The following WDR27 variants were observed in gnomAD, a reference collection of about 807,000 sequenced individuals.
WDR27 encodes the protein WD repeat-containing protein 27.
A neutral mutation model predicts 114.4 loss-of-function variants in WDR27; 100 were observed. The observed-to-expected ratio is 0.87, with a 90% CI of 0.74 to 1.03. The LOEUF (loss-of-function observed/expected upper bound fraction) is 1.03, where lower values mean the gene tolerates loss of function less well. Ranked by LOEUF, WDR27 falls within the 50% of genes least tolerant of loss-of-function variation. The pLI is 0.00. For synonymous variants in WDR27, 449 were observed against 423.1 expected, an observed-to-expected ratio of 1.06 and a Z score of -0.75; for missense variants, 1,129 against 1,092.9, an observed-to-expected ratio of 1.03 and a Z score of -0.47.
chr6:169,458,237 C>G (rs73789955), intron 25 of WDR27, among the ~76,000 whole-genome samples: 4,649 of 152,250 alleles, frequency 0.031, 216 homozygotes, highest in African/African-American at 0.1. Context: ...AAAGTGGTCT[C>G]CATAGGGCCT....
intron 25 of WDR27, chr6:169,559,939 A>C (rs1288843589): frequency 1.3e-5 from 2 of 152,196 alleles, no homozygotes; most frequent in African/African-American, 2.4e-5. Flanking sequence ...TGCGATAGGA[A>C]GGTAATGAGG....
intron 5 of WDR27, among the ~76,000 whole-genome samples, chr6:169,667,717 C>G (rs1828248239): frequency 6.6e-6 from 1 of 152,204 alleles, no homozygotes; most frequent in African/African-American, 2.4e-5. Flanking sequence ...CGTGCCTGGG[C>G]GCTCCCAGGC....
chr6:169,430,058 T>C, the WDR27 span, among the ~76,000 whole-genome samples: 4 of 152,190 alleles, frequency 2.6e-5, no homozygotes, highest in Non-Finnish European at 5.9e-5. Context: ...GCTCATCTGC[T>C]CTGAGCTGCA....
chr6:169,701,932 G>A lies in WDR27; in HGVS notation c.-389C>T. ...GCTAGGGGAGGACTCACAGCACCCA[G>A]CTCCCAGGAGGGCACGCAGAGGACT... is the stretch of plus-strand genomic sequence containing the variant. On this transcript the variant is annotated 5_prime_UTR_variant, in exon 1 of 26. Coordinates refer to ENST00000448612, the MANE Select transcript of WDR27 (RefSeq NM_182552.5). 1 of 361,276 alleles carries A rather than the reference G, an allele frequency of 2.8e-6. No individual in the cohort carries two copies. Among genetic ancestry groups the A allele is most frequent in the Non-Finnish European group, 5.5e-6 (1 of 181,268 alleles). The allele number at this position is 361,276 out of a possible 1,614,324, so 22.4% of individuals were successfully genotyped here.
chr6:169,490,726 C>T (rs1789645118), intron 25 of WDR27, among the ~76,000 whole-genome samples: 1 of 152,172 alleles, frequency 6.6e-6, no homozygotes, highest in African/African-American at 2.4e-5. Context: ...GTATCTCAGC[C>T]TCCAGTTCAA....
chr6:169,503,558 T>C (rs1791612136), intron 25 of WDR27, among the ~76,000 whole-genome samples: 1 of 152,224 alleles, frequency 6.6e-6, no homozygotes, highest in Non-Finnish European at 1.5e-5. Context: ...GCCTGTCATC[T>C]ACTGGTTCAT....
At chr6:169,562,162 C>T (rs1799762433) in intron 25 of WDR27, among the ~76,000 whole-genome samples, 1 of 152,164 alleles carries the variant, frequency 6.6e-6, no homozygotes, top group Non-Finnish European at 1.5e-5. Flanking sequence ...CACATAAGGA[C>T]GCGGAAGACT....
chr6:169,507,000 C>T (rs1792083664), intron 25 of WDR27, among the ~76,000 whole-genome samples: 1 of 152,168 alleles, frequency 6.6e-6, no homozygotes, highest in Non-Finnish European at 1.5e-5. Context: ...AGAATTTAAT[C>T]CAAACAACAC....
At chr6:169,527,422 G>C (rs1795079335) in intron 25 of WDR27, among the ~76,000 whole-genome samples, 1 of 151,584 alleles carries the variant, frequency 6.6e-6, no homozygotes, top group Non-Finnish European at 1.5e-5. Flanking sequence ...GAAATATTTA[G>C]AAATCCATAG....
At chr6:169,692,190 G>C (rs536446227) in intron 1 of WDR27, among the ~76,000 whole-genome samples, 2 of 152,362 alleles carry the variant, frequency 1.3e-5, no homozygotes, top group South Asian at 2.1e-4. Context: ...GCAGCAGTGA[G>C]AAGAGCCTTG....
intron 25 of WDR27, among the ~76,000 whole-genome samples, chr6:169,483,066 C>A (rs1396617774): frequency 6.6e-6 from 1 of 152,072 alleles, no homozygotes; most frequent in South Asian, 2.1e-4. Flanking sequence ...GCACTAAACA[C>A]CCACATCAAA....
At chr6:169,631,641 G>A (rs970980205) in intron 21 of WDR27, among the ~76,000 whole-genome samples, 3 of 152,110 alleles carry the variant, frequency 2.0e-5, no homozygotes, top group African/African-American at 4.8e-5. Context: ...CATCCAGACC[G>A]ACATGCAGGG....
chr6:169,578,227 G>A lies in WDR27; in HGVS notation c.2523+4609C>T, dbSNP rs1034782235. On this transcript the variant is annotated intron_variant, in intron 24 of 25. Transcript: ENST00000448612. Reference sequence around the variant, plus strand: ...GGTCCTGGAATAACGGCGCCCACACGGTGCGTTAGGTGAGAGGTCAGCATA... The same window carrying A: ...GGTCCTGGAATAACGGCGCCCACACAGTGCGTTAGGTGAGAGGTCAGCATA... Among the ~76,000 whole-genome samples the A allele has an allele frequency of 5.3e-5, 8 of 152,234 alleles. No homozygotes were observed. The South Asian group carries it at 1.0e-3, about 20-fold the overall frequency.
chr6:169,441,573 C>T, the WDR27 span, among the ~76,000 whole-genome samples: 1 of 152,158 alleles, frequency 6.6e-6, no homozygotes, highest in Admixed American at 6.5e-5. Flanking sequence ...CAGCCAGCTG[C>T]CAGGTCACTT....
At chr6:169,678,916 C>A (rs1780756625) in intron 2 of WDR27, among the ~76,000 whole-genome samples, 1 of 152,120 alleles carries the variant, frequency 6.6e-6, no homozygotes, top group Admixed American at 6.5e-5. Flanking sequence ...AGCCAGGCAC[C>A]CTTTTTAAGT....
chr6:169,428,956 G>A, the WDR27 span, among the ~76,000 whole-genome samples: 1 of 152,338 alleles, frequency 6.6e-6, no homozygotes, highest in African/African-American at 2.4e-5. Flanking sequence ...TGGAAATGGA[G>A]CTTGCACCAC....
At chr6:169,607,821 T>C (rs1044168988) in intron 22 of WDR27, among the ~76,000 whole-genome samples, 6 of 152,198 alleles carry the variant, frequency 3.9e-5, no homozygotes, top group East Asian at 1.9e-4. Context: ...ATGGATGTTG[T>C]TGGCTGTTTG....
chr6:169,654,727 G>A lies in WDR27; in HGVS notation c.1403-2719C>T, dbSNP rs149675938. 9.7e-4 allele frequency among the ~76,000 whole-genome samples: 145 copies of A among 150,112 alleles called. No individual in the cohort carries two copies. In the Middle Eastern group the frequency reaches 0.01, roughly 11 times the overall value. On this transcript the variant is annotated intron_variant, in intron 13 of 25. Coordinates refer to ENST00000448612, the MANE Select transcript of WDR27 (RefSeq NM_182552.5). ...GGAGGCGCGCACAGGAGAAGGAGGCGCGCACAGGAGGAGGCGCGCACAGGG... is the reference window on the plus strand; with the variant it reads ...GGAGGCGCGCACAGGAGAAGGAGGCACGCACAGGAGGAGGCGCGCACAGGG...
In WDR27 at chr6:169,554,894, A is replaced by T. The variant is rs1349853305; in HGVS notation, c.2645+17525T>A. ...TGTTTTCTAGAATTCTGTGTGGTAG[A>T]TGTATATTTTTGCCTCCACGATGAC... On this transcript the variant is annotated intron_variant, in intron 25 of 25. Transcript: ENST00000448612. Among the ~76,000 whole-genome samples the T allele has an allele frequency of 3.3e-5, 5 of 152,290 alleles. No individual in the cohort carries two copies. The East Asian group carries it at 9.6e-4, about 29-fold the overall frequency.
Sources: gnomAD v4.1 joint callset for allele counts (sites outside exome capture counted in the v4.1 genomes callset) on GRCh38, gnomAD v4.1.1 for gene constraint, MANE v1.5 for transcripts, NCBI Gene and HGNC (gene_info 2026-07-23, HGNC 2026-07-21) for gene names.